The following FNIP1 variants were observed in gnomAD, a reference collection of about 807,000 sequenced individuals.
FNIP1 encodes the protein folliculin-interacting protein 1.
FNIP1 carries 40 observed loss-of-function variants against 124.5 expected under a neutral mutation model. That is an observed-to-expected ratio of 0.32 (90% CI 0.25 to 0.42). The LOEUF is 0.42. Ranked by LOEUF, FNIP1 falls within the 10% of genes least tolerant of loss-of-function variation. The pLI, the probability that FNIP1 is intolerant of heterozygous loss-of-function variation, is 1.00. For missense variants in FNIP1, 1,176 were observed against 1,403.7 expected, an observed-to-expected ratio of 0.84 and a Z score of 2.59; for synonymous variants, 472 against 470.6, an observed-to-expected ratio of 1.00 and a Z score of -0.04.
intron 15 of FNIP1, among the ~76,000 whole-genome samples, chr5:131,656,117 G>C (rs931858406): frequency 2.6e-5 from 4 of 152,024 alleles, no homozygotes; most frequent in Non-Finnish European, 4.4e-5. Flanking sequence ...GTGTTTAAAG[G>C]TTCTCATGTA....
intron 1 of FNIP1, among the ~76,000 whole-genome samples, chr5:131,777,689 T>C (rs1477212162): frequency 2.0e-5 from 3 of 152,244 alleles, no homozygotes; most frequent in Non-Finnish European, 2.9e-5. Context: ...CTATCTTTAC[T>C]GAAAAAACTT....
At chr5:131,767,707 C>T (rs1473836662) in intron 1 of FNIP1, among the ~76,000 whole-genome samples, 1 of 151,980 alleles carries the variant, frequency 6.6e-6, no homozygotes, top group African/African-American at 2.4e-5. Context: ...ATGCTGGAAG[C>T]CTGTATATAT....
chr5:131,644,858 C>A, intron 17 of FNIP1, 95 bp from the exon 18 acceptor site: 2 of 1,238,282 alleles, frequency 1.6e-6, no homozygotes, highest in South Asian at 2.5e-5. Context: ...GTCACTATAC[C>A]TCAACGGTTA....
At chr5:131,652,070 T>C in intron 15 of FNIP1, 71 bp from the exon 16 acceptor site, 1 of 1,442,028 alleles carries the variant, frequency 6.9e-7, no homozygotes, top group Non-Finnish European at 9.4e-7. Flanking sequence ...AATTCAGCAA[T>C]GAAGGTTTAC....
Position 131,670,919 on chromosome 5 carries a change from A to T in FNIP1, c.2940-288T>A, listed in dbSNP as rs139130106. 3.2e-3 allele frequency among the ~76,000 whole-genome samples: 480 copies of T among 152,334 alleles called. 3 individuals are homozygous for T. The highest frequency in any genetic ancestry group is 0.011 in the African/African-American group (458 of 41,568). On this transcript the variant is annotated intron_variant, in intron 14 of 17. Transcript: ENST00000510461. ...GAGAAGAAGGTCTGATGAGCAACTG[A>T]GTAATGAAGTGAGGATCAATCTTTC... is the stretch of plus-strand genomic sequence containing the variant.
intron 2 of FNIP1, among the ~76,000 whole-genome samples, chr5:131,744,030 C>A (rs370471413): frequency 2.0e-5 from 3 of 152,046 alleles, no homozygotes; most frequent in East Asian, 3.9e-4. Flanking sequence ...AAAAGGTATG[C>A]AGGGAGAGTT....
chr5:131,790,294 C>T (rs188691808), intron 1 of FNIP1, among the ~76,000 whole-genome samples: 11 of 152,022 alleles, frequency 7.2e-5, no homozygotes, highest in Admixed American at 2.0e-4. Flanking sequence ...GCCTGGGCAA[C>T]GTGGCGAAAC....
chr5:131,773,490 A>G (rs942676376), intron 1 of FNIP1, among the ~76,000 whole-genome samples: 1 of 152,184 alleles, frequency 6.6e-6, no homozygotes, highest in Admixed American at 6.5e-5. Context: ...ACTACCATTT[A>G]GCGTTTCCTT....
In FNIP1 at chr5:131,667,691, T is replaced by G. The variant is rs551713626; in HGVS notation, c.3108+2772A>C. On this transcript the variant is annotated intron_variant, in intron 15 of 17. Transcript: ENST00000510461. ...GCAACCTCTACCTCCTGGATTCAAG[T>G]GATTCTCCTGCCTCAGCCTCCCAAG... 8.3e-4 allele frequency among the ~76,000 whole-genome samples: 126 copies of G among 152,178 alleles called. 1 individual carries two copies. The highest frequency in any genetic ancestry group is 1.7e-3 in the Non-Finnish European group (114 of 67,978).
intron 3 of FNIP1, among the ~76,000 whole-genome samples, chr5:131,729,422 G>T (rs1769999261): frequency 6.6e-6 from 1 of 152,190 alleles, no homozygotes; most frequent in Non-Finnish European, 1.5e-5. Flanking sequence ...GGCTACAGTG[G>T]CTTAGCTGAG....
At chr5:131,730,829 T>A in intron 3 of FNIP1, 75 bp downstream of exon 3, 1 of 1,213,644 alleles carries the variant, frequency 8.2e-7, no homozygotes, top group Non-Finnish European at 1.1e-6. Flanking sequence ...TGCTATTATA[T>A]CTCCACAGTC....
intron 4 of FNIP1, 54 bp downstream of exon 4, chr5:131,719,263 A>C: frequency 6.5e-7 from 1 of 1,533,854 alleles, no homozygotes. Flanking sequence ...TCTCTAAAAA[A>C]ACGAAAATAT....
intron 1 of FNIP1, among the ~76,000 whole-genome samples, chr5:131,786,514 C>G (rs968589425): frequency 2.0e-5 from 3 of 152,170 alleles, no homozygotes; most frequent in Non-Finnish European, 4.4e-5. Flanking sequence ...GAGGCTACCA[C>G]TAGAGGACAA....
chr5:131,741,282 A>G (rs1770505416), intron 2 of FNIP1, among the ~76,000 whole-genome samples: 1 of 152,144 alleles, frequency 6.6e-6, no homozygotes, highest in Admixed American at 6.5e-5. Context: ...GTCATTTTTC[A>G]TAAAATATAT....
chr5:131,752,747 T>G (rs1770919611), intron 1 of FNIP1, among the ~76,000 whole-genome samples: 1 of 152,114 alleles, frequency 6.6e-6, no homozygotes, highest in Non-Finnish European at 1.5e-5. Context: ...TAATTAACAG[T>G]GTTAATCATC....
rs750681419 is a variant in FNIP1, at chr5:131,671,810, G to C, written c.2634C>G (p.Asn878Lys). The change falls in exon 14 of 18, where the codon AAC becomes AAG. Residue 878 changes from asparagine (N) to lysine (K), a missense_variant. By Grantham distance (94) the Asn-to-Lys change is moderately conservative. Transcript: ENST00000510461. ...EFSKILCTKN[N>K]KQNNEFCKCI... ...ATTTACAAAATTCATTGTTCTGCTT[G>C]TTATTTTTTGTACACAATATTTTTG... is the stretch of plus-strand genomic sequence containing the variant. 1 of 1,613,878 alleles carries C rather than the reference G, an allele frequency of 6.2e-7. No homozygotes were observed. Among genetic ancestry groups the C allele is most frequent in the Non-Finnish European group, 8.5e-7 (1 of 1,179,936 alleles).
At chr5:131,763,784 C>T (rs1306719641) in intron 1 of FNIP1, among the ~76,000 whole-genome samples, 1 of 152,180 alleles carries the variant, frequency 6.6e-6, no homozygotes. Context: ...TTCCTCACTT[C>T]AGTTGACTTT....
chr5:131,666,231 T>G (rs1373540159), intron 15 of FNIP1, among the ~76,000 whole-genome samples: 3 of 152,172 alleles, frequency 2.0e-5, no homozygotes, highest in African/African-American at 7.2e-5. Context: ...GAAAAATGAT[T>G]GATAACAAAG....
intron 8 of FNIP1, among the ~76,000 whole-genome samples, chr5:131,707,191 T>C (rs1769142300): frequency 6.6e-6 from 1 of 152,178 alleles, no homozygotes; most frequent in South Asian, 2.1e-4. Flanking sequence ...TTCTGTGAAA[T>C]CTGTAAGATA....
Sources: gnomAD v4.1 joint callset for allele counts (sites outside exome capture counted in the v4.1 genomes callset) on GRCh38, gnomAD v4.1.1 for gene constraint, MANE v1.5 for transcripts, NCBI Gene and HGNC (gene_info 2026-07-23, HGNC 2026-07-21) for gene names.